Variants in RAET1E observed in about 807,000 individuals in gnomAD.
RAET1E encodes the protein retinoic acid early transcript 1E.
Under a neutral mutation model 21.1 loss-of-function variants are expected in RAET1E, and 27 were observed. The observed-to-expected ratio is 1.28, with a 90% CI of 0.94 to 1.76. The LOEUF (loss-of-function observed/expected upper bound fraction) is 1.76, where lower values mean the gene tolerates loss of function less well. RAET1E is among the 40% of genes most tolerant of loss of function. The pLI is 0.00. For synonymous variants in RAET1E, 113 were observed against 115.0 expected (o/e 0.98, Z 0.11); for missense variants, 310 against 311.3 (o/e 1.00, Z 0.03).
Position 149,889,563 on chromosome 6 carries a change from G to A in RAET1E, c.407C>T (p.Ala136Val), listed in dbSNP as rs574591984. Reference protein sequence around the residue: ...CQREAERCTGASWQFATNGEK... With the variant: ...CQREAERCTGVSWQFATNGEK... ...TCCATTGGTGGCGAACTGCCAGGAT[G>A]CACCAGTGCACCGTTCTGCTTCACG... Residue 136 changes from alanine (A) to valine (V), a missense_variant, in exon 5 of 6, where the codon GCA (alanine) becomes GTA (valine). Transcript: ENST00000357183. The A allele has an allele frequency of 3.7e-6, 6 of 1,614,168 alleles. No individual in the cohort carries two copies. The highest frequency in any genetic ancestry group is 1.7e-5 in the Admixed American group (1 of 60,030).
chr6:149,890,810 C>G lies in RAET1E; in HGVS notation c.85+7G>C, dbSNP rs377736312. 104 of 1,604,186 alleles carry G rather than the reference C, an allele frequency of 6.5e-5. No homozygotes were observed. Among genetic ancestry groups the G allele is most frequent in the Admixed American group, 1.0e-4 (6 of 59,984 alleles). ...CCTCAGCCAGTTCTTGTGCTCAGGA[C>G]ACTCACCAACCATGATCTCCAAGGC... On this transcript the variant is annotated splice_region_variant and intron_variant, in intron 3 of 5. Coordinates refer to ENST00000357183, the MANE Select transcript of RAET1E (RefSeq NM_001394057.1).
intron 2 of RAET1E, among the ~76,000 whole-genome samples, chr6:149,894,883 C>T (rs538257797): frequency 1.1e-4 from 17 of 152,230 alleles, no homozygotes; most frequent in African/African-American, 2.9e-4. Context: ...TCAGGCTTTG[C>T]GCACTGGTTT....
Position 149,888,264 on chromosome 6 carries a change from C to T in RAET1E, c.*234G>A, listed in dbSNP as rs189485163. On this transcript the variant is annotated 3_prime_UTR_variant, in exon 6 of 6. Coordinates refer to ENST00000357183, the MANE Select transcript of RAET1E (RefSeq NM_001394057.1). The stretch of plus-strand genomic sequence containing the variant: ...TCAAAGAGCTGGATGAAACCTGGGC[C>T]GGATGGCAAGGAGACAACACCCCAG... 186 of 707,128 alleles carry T rather than the reference C, an allele frequency of 2.6e-4. No homozygotes were observed. In the East Asian group the frequency reaches 3.1e-3, roughly 12 times the overall value. The allele number at this position is 707,128 out of a possible 1,614,324, so 43.8% of individuals were successfully genotyped here.
chr6:149,891,877 T>A (rs2115515475), intron 2 of RAET1E, among the ~76,000 whole-genome samples: 1 of 152,246 alleles, frequency 6.6e-6, no homozygotes, highest in East Asian at 1.9e-4. Flanking sequence ...ACCCCTCTCC[T>A]AGCCCCCCAC....
Position 149,888,489 on chromosome 6 carries a change from C to G in RAET1E, c.*9G>C. ...ACCCATGATTCACCTCTCTTGAGTC[C>G]TTACCAGACTAAGACGTCCTCAAGG... On this transcript the variant is annotated 3_prime_UTR_variant, in exon 6 of 6. Coordinates refer to ENST00000357183, the MANE Select transcript of RAET1E (RefSeq NM_001394057.1). 2.5e-6 allele frequency: 4 copies of G among 1,611,518 alleles called. No homozygotes were observed. The highest frequency in any genetic ancestry group is 3.4e-6 in the Non-Finnish European group (4 of 1,179,146).
chr6:149,888,748 C>A, intron 5 of RAET1E, 81 bp from the exon 6 acceptor site: 1 of 1,487,724 alleles, frequency 6.7e-7, no homozygotes, highest in South Asian at 1.3e-5. Flanking sequence ...CTTTCCTTAG[C>A]CCCTGCTTTC....
chr6:149,887,439 G>A lies in RAET1E; in HGVS notation c.*1059C>T, dbSNP rs1469938252. Among the ~76,000 whole-genome samples the A allele has an allele frequency of 1.3e-5, 2 of 151,986 alleles. No homozygotes were observed. Among genetic ancestry groups the A allele is most frequent in the East Asian group, 1.9e-4 (1 of 5,186 alleles). The stretch of plus-strand genomic sequence containing the variant: ...GCTGCCATCACACCACCCACCACAC[G>A]AGCCCCTTCTGGACCAGTGGCCCTT... On this transcript the variant is annotated 3_prime_UTR_variant, in exon 6 of 6. Transcript: ENST00000357183.
intron 4 of RAET1E, 103 bp from the exon 5 acceptor site, chr6:149,889,726 CTGCCCAGA>C: frequency 1.3e-6 from 2 of 1,509,896 alleles, no homozygotes; most frequent in Non-Finnish European, 1.8e-6. Context: ...TGTATTCTTT[CTGCCCAGA>C]CTTGCCCTTT....
At chr6:149,892,160 A>G (rs1176133615) in intron 2 of RAET1E, among the ~76,000 whole-genome samples, 1 of 152,252 alleles carries the variant, frequency 6.6e-6, no homozygotes, top group African/African-American at 2.4e-5. Flanking sequence ...TAGTGCCACA[A>G]TAAACATACG....
rs9397058 is a variant in RAET1E at position 149,886,113 on chromosome 6, C to T, written c.*2385G>A. ...TTGGCAGCAATGATGCACGGTGATT[C>T]AGAGATCAAAAAGTTCAGTGTGGAT... is the stretch of plus-strand genomic sequence containing the variant. On this transcript the variant is annotated 3_prime_UTR_variant, in exon 6 of 6. Coordinates refer to ENST00000357183, the MANE Select transcript of RAET1E (RefSeq NM_001394057.1). Among the ~76,000 whole-genome samples, 67,366 of 151,936 alleles carry T rather than the reference C, an allele frequency of 0.44. 15,618 individuals carry two copies. Among genetic ancestry groups the T allele is most frequent in the East Asian group, 0.88 (4,560 of 5,160 alleles).
At chr6:149,890,640 G>A (rs745891569) in intron 3 of RAET1E, among the ~76,000 whole-genome samples, 177 bp downstream of exon 3, 3 of 152,148 alleles carry the variant, frequency 2.0e-5, no homozygotes, top group Non-Finnish European at 2.9e-5. Flanking sequence ...CTTGCCTAGG[G>A]CCTCAGGCTG....
Position 149,888,750 on chromosome 6 carries a change from C to T in RAET1E, c.623-83G>A, listed in dbSNP as rs1311936189. 4 of 1,489,288 alleles carry T rather than the reference C, an allele frequency of 2.7e-6. No individual in the cohort carries two copies. In the South Asian group the frequency reaches 4.0e-5, roughly 15 times the overall value. 92.3% of individuals were successfully genotyped at this position (1,489,288 alleles called of 1,614,324 possible). A position where few individuals can be genotyped will look rare whatever the true frequency, so the allele number is the denominator to read the frequency against. ...GCATAAAAATATGCTTTCCTTAGCC[C>T]CTGCTTTCCCCAGGAACACATGGTG... On this transcript the variant is annotated intron_variant, in intron 5 of 5. Transcript: ENST00000357183.
At chr6:149,890,309 T>A in intron 3 of RAET1E, 164 bp from the exon 4 acceptor site, 2 of 709,762 alleles carry the variant, frequency 2.8e-6, no homozygotes, top group Non-Finnish European at 4.6e-6. Flanking sequence ...CATCTCTCCC[T>A]GACTGTCTGG....
At chr6:149,893,323 C>T (rs1032015111) in intron 2 of RAET1E, among the ~76,000 whole-genome samples, 3 of 152,206 alleles carry the variant, frequency 2.0e-5, no homozygotes, top group Non-Finnish European at 4.4e-5. Context: ...TTAGTGCTTC[C>T]TATCCATGAG....
chr6:149,888,668 C>CAAAAAAA lies in RAET1E; in HGVS notation c.623-2_623-1insTTTTTTT. On this transcript the variant is annotated splice_acceptor_variant, in intron 5 of 5. Transcript: ENST00000357183. LOFTEE classifies it high-confidence loss of function. ...ATATCTGAAGCATTTACTGGTGACA[C>CAAAAAAA]TAAAAAAAAAAAAAAAAAGAAAAAA... 1 of 1,213,296 alleles carries CAAAAAAA rather than the reference C, an allele frequency of 8.2e-7. No individual in the cohort carries two copies. The highest frequency in any genetic ancestry group is 1.0e-6 in the Non-Finnish European group (1 of 960,682). The allele number at this position is 1,213,296 out of a possible 1,614,324, so 75.2% of individuals were successfully genotyped here.
chr6:149,889,896 A>T lies in RAET1E; in HGVS notation c.335T>A (p.Ile112Lys), dbSNP rs1777802969. The part of the protein sequence containing the change: ...RMLLCDIKPQ[I>K]KTSDPSTLQV... ...CATTCCACACTTACCACTGGTCTTTATCTGGGGTTTGATGTCACAAAGGAG... is the reference window on the plus strand; with the variant it reads ...CATTCCACACTTACCACTGGTCTTTTTCTGGGGTTTGATGTCACAAAGGAG... Residue 112 changes from isoleucine (I) to lysine (K), a missense_variant, in exon 4 of 6, where the codon ATA becomes AAA. Coordinates refer to ENST00000357183, the MANE Select transcript of RAET1E (RefSeq NM_001394057.1). 1 of 1,612,944 alleles carries T rather than the reference A, an allele frequency of 6.2e-7. No individual in the cohort carries two copies. Among genetic ancestry groups the T allele is most frequent in the East Asian group, 2.2e-5 (1 of 44,842 alleles).
At position 149,890,845 on chromosome 6, in the gene RAET1E, C is replaced by T. The variant is rs1403927001; in HGVS notation, c.57G>A (p.Leu19=). ...SPVRLLLFLL[L]LLIALEIMVG... ...CCATGATCTCCAAGGCTATTAGTAG[C>T]AACAGCAGAAACAAAAGAAGGCGCA... Residue 19 remains leucine, a synonymous_variant, in exon 3 of 6, where the codon TTG becomes TTA. Transcript: ENST00000357183. The T allele has an allele frequency of 2.5e-6, 4 of 1,613,502 alleles. No individual in the cohort carries two copies. The highest frequency in any genetic ancestry group is 3.4e-6 in the Non-Finnish European group (4 of 1,179,474).
At chr6:149,892,653 G>A (rs138220117) in intron 2 of RAET1E, among the ~76,000 whole-genome samples, 2,918 of 152,228 alleles carry the variant, frequency 0.019, 112 homozygotes, top group African/African-American at 0.068. Context: ...CATTCTGTAG[G>A]TGGCCTGTTC....
In RAET1E at chr6:149,891,046, CAATT is replaced by C; in HGVS notation, c.-133-16_-133-13del. The C allele has an allele frequency of 1.8e-6, 1 of 565,128 alleles. No homozygotes were observed. The highest frequency in any genetic ancestry group is 3.2e-6 in the Non-Finnish European group (1 of 311,130). The allele number at this position is 565,128 out of a possible 1,614,324, so 35.0% of individuals were successfully genotyped here. Reference sequence around the variant, plus strand: ...AACTGAGGTCAGGCCTGTAGAGACCCAATTAAAGAACAATTTTGTGAAGAGAGTG... The same window carrying C: ...AACTGAGGTCAGGCCTGTAGAGACCCAAAGAACAATTTTGTGAAGAGAGTG... On this transcript the variant is annotated splice_polypyrimidine_tract_variant and intron_variant, in intron 2 of 5. Coordinates refer to ENST00000357183, the MANE Select transcript of RAET1E (RefSeq NM_001394057.1).
Sources: gnomAD v4.1 joint callset for allele counts (sites outside exome capture counted in the v4.1 genomes callset) on GRCh38, gnomAD v4.1.1 for gene constraint, MANE v1.5 for transcripts, NCBI Gene and HGNC (gene_info 2026-07-23, HGNC 2026-07-21) for gene names.